The following GALNT13 variants were observed in gnomAD, a reference collection of about 807,000 sequenced individuals.
GALNT13 encodes UDP-GalNAc:polypeptide N-acetylgalactosaminyltransferase 13.
GALNT13 carries 28 observed loss-of-function variants against 64.2 expected under a neutral mutation model. The ratio of observed to expected loss-of-function variants is 0.44; its 90% CI spans 0.32 to 0.60. GALNT13 has a LOEUF of 0.60. Among genes scored for constraint, GALNT13 ranks in the 20% least tolerant of loss-of-function variants. The pLI, the probability that GALNT13 is intolerant of heterozygous loss-of-function variation, is 0.05. For synonymous variants in GALNT13, 214 were observed against 224.6 expected, an observed-to-expected ratio of 0.95 and a Z score of 0.42; for missense variants, 577 against 669.8, an observed-to-expected ratio of 0.86 and a Z score of 1.53.
chr2:153,148,941 A>G, the GALNT13 span, among the ~76,000 whole-genome samples: 1 of 151,862 alleles, frequency 6.6e-6, no homozygotes, highest in Non-Finnish European at 1.5e-5. Flanking sequence ...TAAGTTAAAG[A>G]TGATGTTTGT....
chr2:153,443,748 C>A, the GALNT13 span, among the ~76,000 whole-genome samples: 1 of 152,110 alleles, frequency 6.6e-6, no homozygotes, highest in Non-Finnish European at 1.5e-5. Context: ...CATGGTGAAA[C>A]CCCATCTCTA....
chr2:153,300,359 G>T, the GALNT13 span, among the ~76,000 whole-genome samples: 2 of 152,112 alleles, frequency 1.3e-5, no homozygotes, highest in African/African-American at 4.8e-5. Context: ...ATACGGTAAA[G>T]GAATTGCAGA....
chr2:153,607,951 A>G, the GALNT13 span, among the ~76,000 whole-genome samples: 2 of 152,114 alleles, frequency 1.3e-5, no homozygotes, highest in Admixed American at 6.6e-5. Context: ...TAGCTCATAT[A>G]TATATGTAAG....
chr2:153,108,033 A>T, the GALNT13 span, among the ~76,000 whole-genome samples: 11 of 152,020 alleles, frequency 7.2e-5, no homozygotes, highest in African/African-American at 2.7e-4. Context: ...ATGCATCACC[A>T]CACTCGGCTA....
intron 3 of GALNT13, among the ~76,000 whole-genome samples, chr2:153,959,367 C>A (rs1049599311): frequency 6.6e-6 from 1 of 152,144 alleles, no homozygotes; most frequent in African/African-American, 2.4e-5. Context: ...AACAGGGGAC[C>A]TCTAACAACC....
chr2:153,944,405 C>T lies in GALNT13; in HGVS notation c.-93C>T, dbSNP rs116826388. 1,841 of 1,132,590 alleles carry T rather than the reference C, an allele frequency of 1.6e-3. 18 individuals carry two copies. In the African/African-American group the frequency reaches 0.023, roughly 14 times the overall value. 70.2% of individuals were successfully genotyped at this position (1,132,590 alleles called of 1,614,324 possible). ...TTGTTTTAATGCAGTGGAATGTATC[C>T]TGCTTTCATCTTGGAGTTCACCTGT... On this transcript the variant is annotated 5_prime_UTR_variant, in exon 3 of 13. Transcript: ENST00000392825.
At chr2:153,517,579 G>T in the GALNT13 span, among the ~76,000 whole-genome samples, 1 of 152,060 alleles carries the variant, frequency 6.6e-6, no homozygotes, top group African/African-American at 2.4e-5. Context: ...TGATAGTATT[G>T]AATTTTACCC....
the GALNT13 span, among the ~76,000 whole-genome samples, chr2:153,698,549 T>G: frequency 1.3e-5 from 2 of 152,192 alleles, no homozygotes; most frequent in Non-Finnish European, 2.9e-5. Flanking sequence ...CTAACTATCC[T>G]GAATATATAT....
chr2:154,213,297 C>G lies in GALNT13; in HGVS notation c.312-28733C>G, dbSNP rs1687877663. Among the ~76,000 whole-genome samples the G allele has an allele frequency of 2.6e-5, 4 of 152,024 alleles. No homozygotes were observed. In the South Asian group the frequency reaches 8.3e-4, roughly 32 times the overall value. Reference sequence around the variant, plus strand: ...GTTTTGCCATGTTGCCCAGGCTGGTCTTGAACTCCTGGGCTCAAGCAGTAT... The same window carrying G: ...GTTTTGCCATGTTGCCCAGGCTGGTGTTGAACTCCTGGGCTCAAGCAGTAT... On this transcript the variant is annotated intron_variant, in intron 4 of 12. Coordinates refer to ENST00000392825, the MANE Select transcript of GALNT13 (RefSeq NM_052917.4).
chr2:153,340,697 C>T, the GALNT13 span, among the ~76,000 whole-genome samples: 6 of 150,706 alleles, frequency 4.0e-5, no homozygotes, highest in Non-Finnish European at 8.8e-5. Flanking sequence ...CTAGTTTTGT[C>T]CCTGAACTTA....
intron 11 of GALNT13, among the ~76,000 whole-genome samples, chr2:154,423,504 C>T (rs1027932092): frequency 6.6e-6 from 1 of 152,142 alleles, no homozygotes; most frequent in Non-Finnish European, 1.5e-5. Flanking sequence ...TCTACAATGA[C>T]TGAACTAGTT....
intron 2 of GALNT13, among the ~76,000 whole-genome samples, chr2:153,902,381 C>T (rs903746716): frequency 1.3e-5 from 2 of 151,980 alleles, no homozygotes; most frequent in Admixed American, 6.6e-5. Context: ...AATTAATAGT[C>T]CATGCTCCTA....
At chr2:153,589,592 A>G in the GALNT13 span, among the ~76,000 whole-genome samples, 2 of 152,204 alleles carry the variant, frequency 1.3e-5, no homozygotes, top group Non-Finnish European at 2.9e-5. Flanking sequence ...AATTTACAAA[A>G]GAAAGAGTTT....
chr2:153,911,205 G>A (rs920619135), intron 2 of GALNT13, among the ~76,000 whole-genome samples: 1 of 152,100 alleles, frequency 6.6e-6, no homozygotes, highest in African/African-American at 2.4e-5. Flanking sequence ...TTTAAAGTCT[G>A]CTTTGCCTAA....
At chr2:154,407,317 C>T (rs959034444) in intron 10 of GALNT13, among the ~76,000 whole-genome samples, 1 of 152,042 alleles carries the variant, frequency 6.6e-6, no homozygotes. Flanking sequence ...AACTAAATAG[C>T]AATAATGTAT....
At chr2:154,384,139 A>G (rs1164057137) in intron 9 of GALNT13, among the ~76,000 whole-genome samples, 1 of 151,894 alleles carries the variant, frequency 6.6e-6, no homozygotes, top group Non-Finnish European at 1.5e-5. Context: ...CATGGAAGGA[A>G]TTATGTTTTG....
intron 3 of GALNT13, among the ~76,000 whole-genome samples, chr2:153,962,351 T>TCATTCCAC (rs1693005876): frequency 6.6e-6 from 1 of 151,940 alleles, no homozygotes; most frequent in Non-Finnish European, 1.5e-5. Flanking sequence ...TCATGTGGAG[T>TCATTCCAC]ATGTGGAATG....
intron 2 of GALNT13, among the ~76,000 whole-genome samples, chr2:153,908,082 T>C (rs1688703692): frequency 6.6e-6 from 1 of 152,080 alleles, no homozygotes; most frequent in Non-Finnish European, 1.5e-5. Context: ...GTTATTTGAC[T>C]TTTTCATAAT....
intron 11 of GALNT13, among the ~76,000 whole-genome samples, chr2:154,410,755 G>A (rs538288087): frequency 3.7e-4 from 56 of 151,882 alleles, no homozygotes; most frequent in Middle Eastern, 3.4e-3. Context: ...AAAAAAATCA[G>A]CTAATTATCT....
Sources: gnomAD v4.1 joint callset for allele counts (sites outside exome capture counted in the v4.1 genomes callset) on GRCh38, gnomAD v4.1.1 for gene constraint, MANE v1.5 for transcripts, NCBI Gene and HGNC (gene_info 2026-07-23, HGNC 2026-07-21) for gene names.